The following NAALADL2 variants were observed in gnomAD, a reference collection of about 807,000 sequenced individuals.
NAALADL2 encodes N-acetylated alpha-linked acidic dipeptidase like 2.
Under a neutral mutation model 87.2 loss-of-function variants are expected in NAALADL2, and 76 were observed. The observed-to-expected ratio is 0.87, with a 90% CI of 0.72 to 1.05. The LOEUF (loss-of-function observed/expected upper bound fraction) is 1.05, where lower values mean the gene tolerates loss of function less well. Among genes scored for constraint, NAALADL2 ranks in the 50% least tolerant of loss-of-function variants. The pLI is 0.00. For synonymous variants in NAALADL2, 354 were observed against 331.0 expected (o/e 1.07, Z -0.75); for missense variants, 1,089 against 945.8 (o/e 1.15, Z -1.99).
intron 3 of NAALADL2, among the ~76,000 whole-genome samples, chr3:174,745,015 T>A (rs773757164): frequency 4.6e-5 from 7 of 151,696 alleles, no homozygotes; most frequent in Non-Finnish European, 8.8e-5. Context: ...CAAATCGCCA[T>A]CCTAACATCA....
intron 5 of NAALADL2, among the ~76,000 whole-genome samples, chr3:175,412,608 A>G (rs1361653608): frequency 1.3e-5 from 2 of 152,120 alleles, no homozygotes; most frequent in Non-Finnish European, 2.9e-5. Context: ...TCAAAATACA[A>G]AAGAAAAAAA....
chr3:174,877,663 A>G (rs1382045545), intron 1 of NAALADL2, among the ~76,000 whole-genome samples: 1 of 152,160 alleles, frequency 6.6e-6, no homozygotes, highest in Non-Finnish European at 1.5e-5. Context: ...AAGTGTCTAT[A>G]GCTATCTTAA....
chr3:174,919,321 A>C (rs762211098), intron 1 of NAALADL2, among the ~76,000 whole-genome samples: 72 of 152,308 alleles, frequency 4.7e-4, no homozygotes, highest in Non-Finnish European at 8.7e-4. Context: ...ACGTCTTTCA[A>C]AATTGGAGTT....
intron 2 of NAALADL2, among the ~76,000 whole-genome samples, chr3:175,219,232 A>G (rs1369648003): frequency 1.3e-5 from 2 of 152,058 alleles, no homozygotes; most frequent in Non-Finnish European, 2.9e-5. Flanking sequence ...TGTTAGTTTT[A>G]GTTTGAGTTT....
intron 5 of NAALADL2, among the ~76,000 whole-genome samples, chr3:175,385,893 G>A (rs1260012717): frequency 6.6e-6 from 1 of 152,020 alleles, no homozygotes; most frequent in Non-Finnish European, 1.5e-5. Context: ...ACATCTAGAA[G>A]CTTCTATATG....
intron 5 of NAALADL2, among the ~76,000 whole-genome samples, chr3:175,336,815 A>G (rs576204878): frequency 1.3e-5 from 2 of 152,182 alleles, no homozygotes; most frequent in Non-Finnish European, 2.9e-5. Context: ...TTTAAACACA[A>G]ATTTGAACAA....
chr3:175,447,151 T>G, intron 5 of NAALADL2, 78 bp from the exon 6 acceptor site: 1 of 877,034 alleles, frequency 1.1e-6, no homozygotes, highest in Non-Finnish European at 1.7e-6. Context: ...ATTTAAATAC[T>G]TATTACAGAT....
intron 2 of NAALADL2, among the ~76,000 whole-genome samples, chr3:174,646,513 G>A (rs1006455634): frequency 2.0e-5 from 3 of 151,962 alleles, no homozygotes; most frequent in Non-Finnish European, 4.4e-5. Flanking sequence ...CATTAATTTA[G>A]CCATCCAAGG....
rs115490784 is a variant in NAALADL2 at position 175,561,352 on chromosome 3, G to A, written c.1654-14689G>A. 6.3e-3 allele frequency among the ~76,000 whole-genome samples: 956 copies of A among 151,900 alleles called. 9 individuals are homozygous for A. The highest frequency in any genetic ancestry group is 0.021 in the African/African-American group (888 of 41,424). The stretch of plus-strand genomic sequence containing the variant: ...TGTGTTGTTCAGGGAATAATGACAA[G>A]GAAAAAAAGTCTGTACATGTAAGTC... On this transcript the variant is annotated intron_variant, in intron 9 of 13. Coordinates refer to ENST00000454872, the MANE Select transcript of NAALADL2 (RefSeq NM_207015.3).
Position 174,964,537 on chromosome 3 carries a change from G to A in NAALADL2, c.43+105087G>A, listed in dbSNP as rs576730948. 1.6e-4 allele frequency among the ~76,000 whole-genome samples: 24 copies of A among 152,162 alleles called. No individual in the cohort carries two copies. The East Asian group carries it at 4.4e-3, about 28-fold the overall frequency. On this transcript the variant is annotated intron_variant, in intron 1 of 13. Transcript: ENST00000454872. The stretch of plus-strand genomic sequence containing the variant: ...AGATTCATGGACATTTCAATATTTA[G>A]AGGTCTTGCAGAGCAGAATAATCCA...
At chr3:175,459,643 A>G (rs930462931) in intron 6 of NAALADL2, among the ~76,000 whole-genome samples, 2 of 152,158 alleles carry the variant, frequency 1.3e-5, no homozygotes, top group Non-Finnish European at 2.9e-5. Context: ...TACAGTGAAA[A>G]AGGGTTCGAT....
intron 2 of NAALADL2, among the ~76,000 whole-genome samples, chr3:174,736,808 T>G (rs559137263): frequency 6.6e-6 from 1 of 152,266 alleles, no homozygotes; most frequent in East Asian, 1.9e-4. Context: ...TGTCTTCCCT[T>G]GCCACCCAGG....
At chr3:175,668,401 G>A (rs1474960552) in intron 11 of NAALADL2, among the ~76,000 whole-genome samples, 1 of 151,936 alleles carries the variant, frequency 6.6e-6, no homozygotes, top group Non-Finnish European at 1.5e-5. Flanking sequence ...TTAGTACTGT[G>A]GATGACTTTT....
chr3:175,629,115 T>C (rs2149720960), intron 11 of NAALADL2, among the ~76,000 whole-genome samples: 1 of 149,114 alleles, frequency 6.7e-6, no homozygotes, highest in South Asian at 2.1e-4. Flanking sequence ...TTCTAATACT[T>C]GGAGATTATA....
At chr3:175,672,759 T>A (rs938210175) in intron 11 of NAALADL2, among the ~76,000 whole-genome samples, 4 of 152,200 alleles carry the variant, frequency 2.6e-5, no homozygotes, top group Non-Finnish European at 5.9e-5. Flanking sequence ...ATCAAAAATA[T>A]TTTCTGTTTA....
At chr3:174,641,711 T>C (rs758379504) in intron 2 of NAALADL2, among the ~76,000 whole-genome samples, 2 of 152,160 alleles carry the variant, frequency 1.3e-5, no homozygotes, top group Non-Finnish European at 2.9e-5. Context: ...CAGCATAACT[T>C]CTTGTTTAAG....
At chr3:175,366,865 TA>T (rs1765661526) in intron 5 of NAALADL2, among the ~76,000 whole-genome samples, 1 of 151,940 alleles carries the variant, frequency 6.6e-6, no homozygotes, top group African/African-American at 2.4e-5. Context: ...TTAGTATAAT[TA>T]GATCCCATTT....
At chr3:174,613,549 C>A (rs999304191) in intron 2 of NAALADL2, among the ~76,000 whole-genome samples, 1 of 152,190 alleles carries the variant, frequency 6.6e-6, no homozygotes, top group African/African-American at 2.4e-5. Context: ...AGAAGCCTCA[C>A]CCCATGACCA....
intron 1 of NAALADL2, among the ~76,000 whole-genome samples, chr3:174,479,481 A>C (rs1250300895): frequency 6.6e-6 from 1 of 152,160 alleles, no homozygotes; most frequent in Admixed American, 6.6e-5. Context: ...TTGGCCAGGC[A>C]GTTTGACTCT....
Sources: allele counts gnomAD v4.1 joint callset (sites outside exome capture counted in the v4.1 genomes callset), GRCh38; gene constraint gnomAD v4.1.1; transcripts MANE v1.5; gene names NCBI Gene and HGNC (gene_info 2026-07-23, HGNC 2026-07-21).